The following VTI1A variants were observed in gnomAD, a reference collection of about 807,000 sequenced individuals.
VTI1A encodes the protein vesicle transport through interaction with t-SNAREs 1A.
A neutral mutation model predicts 34.9 loss-of-function variants in VTI1A; 22 were observed. That is an observed-to-expected ratio of 0.63 (90% CI 0.45 to 0.90). The LOEUF (loss-of-function observed/expected upper bound fraction) is 0.90, where lower values mean the gene tolerates loss of function less well. Ranked by LOEUF, VTI1A falls within the 40% of genes least tolerant of loss-of-function variation. VTI1A has a pLI of 0.00. For synonymous variants in VTI1A, 87 were observed against 97.3 expected (o/e 0.89, Z 0.62); for missense variants, 268 against 275.6 (o/e 0.97, Z 0.20).
the VTI1A span, among the ~76,000 whole-genome samples, chr10:112,843,179 C>T: frequency 6.6e-6 from 1 of 152,232 alleles, no homozygotes; most frequent in Non-Finnish European, 1.5e-5. Flanking sequence ...CAGTGCCTCT[C>T]ATTGGCTGAC....
At chr10:112,754,776 GT>G (rs1410043106) in intron 7 of VTI1A, among the ~76,000 whole-genome samples, 1 of 152,190 alleles carries the variant, frequency 6.6e-6, no homozygotes. Context: ...CAAACTTGGG[GT>G]TTCCGAGGAA....
chr10:112,778,848 C>T (rs1027175540), intron 7 of VTI1A, among the ~76,000 whole-genome samples: 3 of 152,118 alleles, frequency 2.0e-5, no homozygotes, highest in African/African-American at 7.2e-5. Flanking sequence ...TGCTTAGGTT[C>T]AGCTCTGTGA....
At chr10:112,785,565 T>C (rs955080572) in intron 7 of VTI1A, among the ~76,000 whole-genome samples, 1 of 152,236 alleles carries the variant, frequency 6.6e-6, no homozygotes, top group Non-Finnish European at 1.5e-5. Flanking sequence ...GTGGTTTACC[T>C]AAAAATCTTT....
intron 7 of VTI1A, among the ~76,000 whole-genome samples, chr10:112,681,241 C>A (rs758780528): frequency 3.9e-5 from 6 of 151,932 alleles, no homozygotes; most frequent in Non-Finnish European, 8.8e-5. Flanking sequence ...CTCACACACC[C>A]AGCTAATTTT....
intron 5 of VTI1A, among the ~76,000 whole-genome samples, chr10:112,542,064 G>A (rs1030061048): frequency 1.3e-5 from 2 of 151,946 alleles, no homozygotes; most frequent in South Asian, 2.1e-4. Flanking sequence ...TTTTGTTTGA[G>A]GTCAGGGACT....
At chr10:112,570,064 C>A (rs1235141521) in intron 5 of VTI1A, among the ~76,000 whole-genome samples, 1 of 152,134 alleles carries the variant, frequency 6.6e-6, no homozygotes, top group Non-Finnish European at 1.5e-5. Flanking sequence ...CTTTAAAAGC[C>A]TACTGTGTGG....
downstream of VTI1A, among the ~76,000 whole-genome samples, chr10:112,819,608 T>C (rs1285939606): frequency 6.6e-6 from 1 of 152,182 alleles, no homozygotes; most frequent in Non-Finnish European, 1.5e-5. Flanking sequence ...TTCCCTAATA[T>C]GCAACAGGGA....
chr10:112,606,772 C>G (rs1845100944), intron 5 of VTI1A, among the ~76,000 whole-genome samples: 1 of 152,150 alleles, frequency 6.6e-6, no homozygotes, highest in Non-Finnish European at 1.5e-5. Flanking sequence ...GGAAGACTCA[C>G]TTTTCTGTTT....
intron 7 of VTI1A, among the ~76,000 whole-genome samples, chr10:112,782,395 G>A (rs1852158258): frequency 6.6e-6 from 1 of 152,270 alleles, no homozygotes; most frequent in Non-Finnish European, 1.5e-5. Flanking sequence ...AGGCCCTTTG[G>A]CGTCTTTTTC....
intron 7 of VTI1A, among the ~76,000 whole-genome samples, chr10:112,805,784 G>A (rs933579474): frequency 2.6e-5 from 4 of 152,082 alleles, no homozygotes; most frequent in African/African-American, 9.7e-5. Context: ...CCAGAAGCTG[G>A]GAGAGAGGCA....
intron 7 of VTI1A, among the ~76,000 whole-genome samples, chr10:112,721,839 A>G (rs565495514): frequency 2.0e-5 from 3 of 152,338 alleles, no homozygotes; most frequent in Admixed American, 1.3e-4. Flanking sequence ...TGTCTTATGA[A>G]GGAGTGAGGC....
chr10:112,486,260 A>G (rs1025995001), intron 3 of VTI1A, among the ~76,000 whole-genome samples: 2 of 152,176 alleles, frequency 1.3e-5, no homozygotes, highest in East Asian at 1.9e-4. Context: ...CTGGATTTAA[A>G]TCCTGCCTTG....
chr10:112,695,724 G>C (rs965322111), intron 7 of VTI1A, among the ~76,000 whole-genome samples: 9 of 152,102 alleles, frequency 5.9e-5, no homozygotes, highest in African/African-American at 2.2e-4. Context: ...ACTGTCCTCA[G>C]CTTGCCCACA....
chr10:112,699,251 T>A (rs1449976740), intron 7 of VTI1A, among the ~76,000 whole-genome samples: 1 of 152,234 alleles, frequency 6.6e-6, no homozygotes. Flanking sequence ...CAGGCTGCTA[T>A]AACAGAATTC....
At chr10:112,621,898 T>C (rs1277938873) in intron 5 of VTI1A, among the ~76,000 whole-genome samples, 1 of 152,158 alleles carries the variant, frequency 6.6e-6, no homozygotes, top group African/African-American at 2.4e-5. Flanking sequence ...AAGGTACTCT[T>C]AGTAGTTGCA....
At chr10:112,459,320 C>T (rs1175575437) in intron 1 of VTI1A, among the ~76,000 whole-genome samples, 1 of 152,188 alleles carries the variant, frequency 6.6e-6, no homozygotes, top group African/African-American at 2.4e-5. Flanking sequence ...CTTCTTGGAG[C>T]TAGACCAATG....
chr10:112,784,263 G>A (rs1341807930), intron 7 of VTI1A, among the ~76,000 whole-genome samples: 2 of 152,156 alleles, frequency 1.3e-5, no homozygotes, highest in Non-Finnish European at 2.9e-5. Context: ...CCTTACACTA[G>A]TTTTACTTTG....
intron 7 of VTI1A, among the ~76,000 whole-genome samples, chr10:112,746,706 G>T (rs1850909954): frequency 6.6e-6 from 1 of 152,142 alleles, no homozygotes; most frequent in Non-Finnish European, 1.5e-5. Flanking sequence ...GAGCAAATTT[G>T]ACTTGGCTTC....
chr10:112,753,271 TATA>T (rs10566277), intron 7 of VTI1A, among the ~76,000 whole-genome samples: 7,390 of 150,246 alleles, frequency 0.049, 603 homozygotes, highest in African/African-American at 0.17. Context: ...CTCTTTTAAA[TATA>T]ATAATAATAA....
Sources: gnomAD v4.1 joint callset for allele counts (sites outside exome capture counted in the v4.1 genomes callset) on GRCh38, gnomAD v4.1.1 for gene constraint, MANE v1.5 for transcripts, NCBI Gene and HGNC (gene_info 2026-07-23, HGNC 2026-07-21) for gene names.